Variants in SLC39A9 observed in about 807,000 individuals in gnomAD.
SLC39A9 encodes the protein zinc transporter ZIP9.
In SLC39A9, 14 loss-of-function variants were observed where a neutral mutation model predicts 28.4. The observed-to-expected ratio is 0.49, with a 90% CI of 0.33 to 0.77. The LOEUF is 0.77. SLC39A9 is among the 30% of genes least tolerant of loss of function. The pLI is 0.02. For missense variants in SLC39A9, 283 were observed against 381.1 expected, an observed-to-expected ratio of 0.74 and a Z score of 2.14; for synonymous variants, 119 against 149.6, an observed-to-expected ratio of 0.80 and a Z score of 1.49.
At chr14:69,403,213 TC>T (rs1245827264) in intron 1 of SLC39A9, among the ~76,000 whole-genome samples, 1 of 152,252 alleles carries the variant, frequency 6.6e-6, no homozygotes, top group African/African-American at 2.4e-5. Flanking sequence ...TTATGTTTTT[TC>T]GATTGAATTG....
At chr14:69,422,481 G>A (rs1465289555) in intron 1 of SLC39A9, among the ~76,000 whole-genome samples, 1 of 152,042 alleles carries the variant, frequency 6.6e-6, no homozygotes, top group Non-Finnish European at 1.5e-5. Context: ...TGTGATTATA[G>A]CACACTATAG....
rs879351955 is a variant in SLC39A9, at chr14:69,451,861, A to G, written c.404-1380A>G. Among the ~76,000 whole-genome samples the G allele has an allele frequency of 4.6e-5, 7 of 152,264 alleles. 1 individual carries two copies. Among genetic ancestry groups the G allele is most frequent in the Admixed American group, 4.6e-4 (7 of 15,294 alleles). ...CTCCTAGATACCTGGGACTACAGGCATGCACCACCACACTTGGCTAAATTT... is the reference window on the plus strand; with the variant it reads ...CTCCTAGATACCTGGGACTACAGGCGTGCACCACCACACTTGGCTAAATTT... On this transcript the variant is annotated intron_variant, in intron 3 of 6. Coordinates refer to ENST00000336643, the MANE Select transcript of SLC39A9 (RefSeq NM_018375.5).
Position 69,461,009 on chromosome 14 carries a change from C to T in SLC39A9, c.*2416C>T, listed in dbSNP as rs1886089705. On this transcript the variant is annotated 3_prime_UTR_variant, in exon 7 of 7. Coordinates refer to ENST00000336643, the MANE Select transcript of SLC39A9 (RefSeq NM_018375.5). ...TTCCAGGAGAGGCCATGTCCGTGTT[C>T]ACTTCTTGGCACATTTCAGTTCCGT... 9 of 985,424 alleles carry T rather than the reference C, an allele frequency of 9.1e-6. No homozygotes were observed. The highest frequency in any genetic ancestry group is 1.1e-5 in the Non-Finnish European group (9 of 830,044). 61.0% of individuals were successfully genotyped at this position (985,424 alleles called of 1,614,324 possible).
intron 1 of SLC39A9, among the ~76,000 whole-genome samples, chr14:69,408,260 G>C (rs1241898535): frequency 6.6e-6 from 1 of 151,824 alleles, no homozygotes; most frequent in Non-Finnish European, 1.5e-5. Flanking sequence ...TGATCAGCCC[G>C]CCTTGGCCTC....
At chr14:69,427,028 A>G (rs190753641) in intron 2 of SLC39A9, among the ~76,000 whole-genome samples, 97 of 132,284 alleles carry the variant, frequency 7.3e-4, no homozygotes, top group Middle Eastern at 4.3e-3. Context: ...TTTTTTTTTC[A>G]GACAGGGACT....
At position 69,461,651 on chromosome 14, in the gene SLC39A9, C is replaced by G; in HGVS notation, c.*3058C>G. 1 of 1,527,742 alleles carries G rather than the reference C, an allele frequency of 6.5e-7. No homozygotes were observed. Among genetic ancestry groups the G allele is most frequent in the Non-Finnish European group, 8.7e-7 (1 of 1,143,122 alleles). 94.6% of individuals were successfully genotyped at this position (1,527,742 alleles called of 1,614,324 possible). On this transcript the variant is annotated 3_prime_UTR_variant, in exon 7 of 7. Coordinates refer to ENST00000336643, the MANE Select transcript of SLC39A9 (RefSeq NM_018375.5). ...AAAATGTGATTGTGTTTTTTTTTTA[C>G]CAGCCTACTTCTAAGTGTCACTGCC...
chr14:69,423,724 C>T (rs1594920127), intron 1 of SLC39A9, among the ~76,000 whole-genome samples: 1 of 152,092 alleles, frequency 6.6e-6, no homozygotes, highest in South Asian at 2.1e-4. Context: ...ATGGTGAAAC[C>T]CCGTCTCTAC....
rs539659598 is a variant in SLC39A9, at chr14:69,399,668, G to A, written c.96+203G>A. On this transcript the variant is annotated intron_variant, in intron 1 of 6. Coordinates refer to ENST00000336643, the MANE Select transcript of SLC39A9 (RefSeq NM_018375.5). ...TGGAATTCTTAACCTGGGGTGGATAGATATTCCACGGAAGATCCTGGAGTA... is the reference window on the plus strand; with the variant it reads ...TGGAATTCTTAACCTGGGGTGGATAAATATTCCACGGAAGATCCTGGAGTA... 2.6e-5 allele frequency among the ~76,000 whole-genome samples: 4 copies of A among 152,318 alleles called. No homozygotes were observed. In the East Asian group the frequency reaches 5.8e-4, roughly 22 times the overall value.
chr14:69,456,971 A>T (rs1885892583), intron 6 of SLC39A9, among the ~76,000 whole-genome samples: 1 of 152,084 alleles, frequency 6.6e-6, no homozygotes, highest in Non-Finnish European at 1.5e-5. Context: ...CCTTTAACAG[A>T]TTACTCTATC....
chr14:69,428,691 T>C (rs1198460299), intron 2 of SLC39A9: 1 of 152,556 alleles, frequency 6.6e-6, no homozygotes, highest in Admixed American at 6.5e-5. Context: ...AACATGGCTT[T>C]ACCAACGATC....
chr14:69,418,330 G>A (rs1883686615), intron 1 of SLC39A9, among the ~76,000 whole-genome samples: 1 of 152,006 alleles, frequency 6.6e-6, no homozygotes, highest in Non-Finnish European at 1.5e-5. Flanking sequence ...TGGTCTTGGT[G>A]GATAAGCTTT....
chr14:69,436,522 C>T (rs1005753319), intron 2 of SLC39A9, among the ~76,000 whole-genome samples: 1 of 152,182 alleles, frequency 6.6e-6, no homozygotes, highest in Admixed American at 6.5e-5. Flanking sequence ...GGAAGTTAAC[C>T]TATTTAGATT....
intron 1 of SLC39A9, among the ~76,000 whole-genome samples, chr14:69,415,651 CAG>C (rs779196952): frequency 2.4e-4 from 37 of 151,910 alleles, no homozygotes; most frequent in African/African-American, 8.7e-4. Context: ...TGCTGGGGAT[CAG>C]GGGGGATTCT....
chr14:69,407,631 T>G (rs1442468565), intron 1 of SLC39A9, among the ~76,000 whole-genome samples: 1 of 137,698 alleles, frequency 7.3e-6, no homozygotes, highest in Non-Finnish European at 1.6e-5. Context: ...GCCCGGCCAA[T>G]TTTCTTTCTT....
In SLC39A9 at chr14:69,462,214, T is replaced by C. The variant is rs1886139770; in HGVS notation, c.*3621T>C. The stretch of plus-strand genomic sequence containing the variant: ...AAGTCTCATGGGATAAGACTGCAGT[T>C]CCCCTGGTTCAATAGCTGGAACAGT... On this transcript the variant is annotated 3_prime_UTR_variant, in exon 7 of 7. Transcript: ENST00000336643. The C allele has an allele frequency of 2.0e-5, 3 of 152,502 alleles. No homozygotes were observed. Among genetic ancestry groups the C allele is most frequent in the Admixed American group, 2.0e-4 (3 of 15,280 alleles). The allele number at this position is 152,502 out of a possible 1,614,324, so 9.4% of individuals were successfully genotyped here.
chr14:69,410,939 C>T (rs981331208), intron 1 of SLC39A9, among the ~76,000 whole-genome samples: 19 of 151,804 alleles, frequency 1.3e-4, no homozygotes, highest in Non-Finnish European at 1.8e-4. Flanking sequence ...AGACTGGATG[C>T]GGTGGCTCAT....
intron 3 of SLC39A9, among the ~76,000 whole-genome samples, chr14:69,442,544 G>GAGC (rs1466178901): frequency 1.3e-5 from 2 of 152,164 alleles, no homozygotes; most frequent in Non-Finnish European, 2.9e-5. Flanking sequence ...TTTTGCTGTG[G>GAGC]AGCCCTTAGG....
At chr14:69,450,707 G>A (rs976265948) in intron 3 of SLC39A9, among the ~76,000 whole-genome samples, 5 of 152,260 alleles carry the variant, frequency 3.3e-5, no homozygotes, top group Middle Eastern at 3.4e-3. Flanking sequence ...ATTTCAGTTC[G>A]AGGCTGCAGT....
At chr14:69,452,538 CA>C (rs11286169) in intron 3 of SLC39A9, among the ~76,000 whole-genome samples, 18,695 of 152,098 alleles carry the variant, frequency 0.12, 1,373 homozygotes, top group Middle Eastern at 0.25. Context: ...CCATGTTGGT[CA>C]GGCTGGTCTC....
Sources: gnomAD v4.1 joint callset for allele counts (sites outside exome capture counted in the v4.1 genomes callset) on GRCh38, gnomAD v4.1.1 for gene constraint, MANE v1.5 for transcripts, NCBI Gene and HGNC (gene_info 2026-07-23, HGNC 2026-07-21) for gene names.